TMED8: variants seen among roughly 807,000 people sequenced by gnomAD.
The protein encoded by TMED8 is protein TMED8.
TMED8 carries 15 observed loss-of-function variants against 32.7 expected under a neutral mutation model. The ratio of observed to expected loss-of-function variants is 0.46; its 90% CI spans 0.31 to 0.71. TMED8 has a LOEUF of 0.71. Among genes scored for constraint, TMED8 ranks in the 30% least tolerant of loss-of-function variants. The pLI, the probability that TMED8 is intolerant of heterozygous loss-of-function variation, is 0.06. For missense variants in TMED8, 390 were observed against 423.9 expected (o/e 0.92, Z 0.70); for synonymous variants, 147 against 161.4 (o/e 0.91, Z 0.68).
chr14:77,353,767 T>G (rs916329251), intron 1 of TMED8, among the ~76,000 whole-genome samples: 9 of 152,124 alleles, frequency 5.9e-5, no homozygotes, highest in Admixed American at 5.9e-4. Context: ...ATCCAAGATC[T>G]ATTTTTCTTT....
chr14:77,368,951 CCTGT>C (rs771663010), intron 1 of TMED8, among the ~76,000 whole-genome samples: 3 of 152,108 alleles, frequency 2.0e-5, no homozygotes, highest in African/African-American at 4.8e-5. Context: ...CTTTGTATGT[CCTGT>C]CTAAGATGTC....
At chr14:77,375,337 G>GA (rs922332231) in intron 1 of TMED8, among the ~76,000 whole-genome samples, 42 of 150,012 alleles carry the variant, frequency 2.8e-4, no homozygotes, top group African/African-American at 9.1e-4. Flanking sequence ...ATGTCAGGGG[G>GA]AAAAAAAAAC....
chr14:77,348,701 C>T (rs1248460786), intron 2 of TMED8, among the ~76,000 whole-genome samples: 2 of 151,848 alleles, frequency 1.3e-5, no homozygotes, highest in African/African-American at 2.4e-5. Flanking sequence ...ATGGGGGAAA[C>T]GGAGGCTTCA....
chr14:77,358,735 C>T (rs528940556), intron 1 of TMED8, among the ~76,000 whole-genome samples: 106 of 152,198 alleles, frequency 7.0e-4, no homozygotes, highest in Non-Finnish European at 1.1e-3. Flanking sequence ...TAGTTTTAAA[C>T]GAATAACAGT....
chr14:77,352,420 T>C (rs1035573582), intron 1 of TMED8, among the ~76,000 whole-genome samples: 1 of 133,322 alleles, frequency 7.5e-6, no homozygotes, highest in African/African-American at 2.8e-5. Flanking sequence ...GTCTCAAAAA[T>C]AATAATAATA....
At chr14:77,357,127 A>G (rs895900275) in intron 1 of TMED8, among the ~76,000 whole-genome samples, 2 of 152,198 alleles carry the variant, frequency 1.3e-5, no homozygotes, top group African/African-American at 4.8e-5. Flanking sequence ...GCACATTTTC[A>G]CCATCAAAGC....
At chr14:77,369,401 T>C (rs1893627597) in intron 1 of TMED8, among the ~76,000 whole-genome samples, 1 of 152,242 alleles carries the variant, frequency 6.6e-6, no homozygotes, top group African/African-American at 2.4e-5. Flanking sequence ...TCCCAATTCA[T>C]GAACTTAGCT....
At chr14:77,344,096 C>T (rs143669145) in intron 3 of TMED8, among the ~76,000 whole-genome samples, 62 of 152,270 alleles carry the variant, frequency 4.1e-4, no homozygotes, top group African/African-American at 1.4e-3. Flanking sequence ...GGTCCTTGTC[C>T]GCCAACACCC....
chr14:77,355,183 G>A (rs1218494763), intron 1 of TMED8, among the ~76,000 whole-genome samples: 4 of 149,220 alleles, frequency 2.7e-5, no homozygotes, highest in Middle Eastern at 7.0e-3. Context: ...TTTCTGAAAG[G>A]ACATGCACTA....
intron 5 of TMED8, 123 bp from the exon 6 acceptor site, chr14:77,342,111 T>C (rs1892918547): frequency 2.7e-6 from 2 of 746,512 alleles, no homozygotes. Flanking sequence ...CTACAGACAT[T>C]TGGAAATGTC....
chr14:77,347,182 G>A (rs563195813), intron 2 of TMED8, among the ~76,000 whole-genome samples: 45 of 151,962 alleles, frequency 3.0e-4, no homozygotes, highest in Non-Finnish European at 5.0e-4. Flanking sequence ...AATTTTAACC[G>A]AGGAATTGGT....
At chr14:77,374,356 G>A (rs746971582) in intron 1 of TMED8, among the ~76,000 whole-genome samples, 8 of 152,176 alleles carry the variant, frequency 5.3e-5, no homozygotes, top group African/African-American at 1.2e-4. Flanking sequence ...CTAACACAGC[G>A]TTCCCAAAAG....
rs1354980759 is a variant in TMED8, at chr14:77,370,881, G to A, written c.118+6055C>T. On this transcript the variant is annotated intron_variant, in intron 1 of 5. Transcript: ENST00000216468. ...GGAGAATCGCTTGAACCCGGGAGGC[G>A]GAGGTTGCAGTGAGCTAAGATCACG... 4.0e-5 allele frequency among the ~76,000 whole-genome samples: 6 copies of A among 151,822 alleles called. No individual in the cohort carries two copies. In the South Asian group the frequency reaches 1.0e-3, roughly 26 times the overall value.
rs963486349 is a variant in TMED8 at position 77,336,538 on chromosome 14, T to C, written c.*5233A>G. The C allele has an allele frequency of 1.3e-5, 2 of 152,200 alleles. No individual in the cohort carries two copies. Among genetic ancestry groups the C allele is most frequent in the African/African-American group, 4.8e-5 (2 of 41,450 alleles). 9.4% of individuals were successfully genotyped at this position (152,200 alleles called of 1,614,324 possible). A position where few individuals can be genotyped will look rare whatever the true frequency, so the allele number is the denominator to read the frequency against. On this transcript the variant is annotated 3_prime_UTR_variant, in exon 6 of 6. Coordinates refer to ENST00000216468, the MANE Select transcript of TMED8 (RefSeq NM_213601.3). ...ACAGGAGGGGCTTTGTTTAGCCTTC[T>C]TGGTTTAGGCAGGGACAATGCAACA... is the stretch of plus-strand genomic sequence containing the variant.
In TMED8 at chr14:77,376,239, G is replaced by C. The variant is rs1412243657; in HGVS notation, c.118+697C>G. ...TAGTAGAAATGGAGACGTCGTCCTG[G>C]ACAAGAAGAGGATGAGGGTCTTGAG... On this transcript the variant is annotated intron_variant, in intron 1 of 5. Transcript: ENST00000216468. This position sits in a 1 kb window ranked among gnomAD's most constrained non-coding sequence, Gnocchi z 4.0. Among the ~76,000 whole-genome samples the C allele has an allele frequency of 6.6e-6, 1 of 152,194 alleles. No homozygotes were observed. Among genetic ancestry groups the C allele is most frequent in the African/African-American group, 2.4e-5 (1 of 41,456 alleles).
intron 5 of TMED8, 91 bp from the exon 6 acceptor site, chr14:77,342,079 G>A: frequency 9.4e-7 from 1 of 1,062,858 alleles, no homozygotes; most frequent in Non-Finnish European, 1.4e-6. Flanking sequence ...GGCTTTCACA[G>A]AGCGGGGAGA....
chr14:77,345,659 CAAAAAAAAA>C (rs11297608), intron 3 of TMED8, among the ~76,000 whole-genome samples: 4 of 103,210 alleles, frequency 3.9e-5, no homozygotes, highest in African/African-American at 7.2e-5. Context: ...ACCTTTGTCT[CAAAAAAAAA>C]AAAAAAAAAA....
At chr14:77,365,612 G>A (rs1893535519) in intron 1 of TMED8, among the ~76,000 whole-genome samples, 1 of 152,208 alleles carries the variant, frequency 6.6e-6, no homozygotes, top group South Asian at 2.1e-4. Context: ...CTGCACCAAT[G>A]CAGAGAGATG....
At chr14:77,368,121 G>C (rs780834311) in intron 1 of TMED8, among the ~76,000 whole-genome samples, 10 of 152,174 alleles carry the variant, frequency 6.6e-5, no homozygotes, top group Non-Finnish European at 1.2e-4. Flanking sequence ...GAATATTCTT[G>C]TGTCTTGGCT....
Sources: gnomAD v4.1 joint callset for allele counts (sites outside exome capture counted in the v4.1 genomes callset) on GRCh38, gnomAD v4.1.1 for gene constraint, Gnocchi (gnomAD v3.1) non-coding constraint, MANE v1.5 for transcripts, NCBI Gene and HGNC (gene_info 2026-07-23, HGNC 2026-07-21) for gene names.